The following MAP3K2 variants were observed in gnomAD, a reference collection of about 807,000 sequenced individuals.
The protein encoded by MAP3K2 is mitogen-activated protein kinase kinase kinase 2, also known as MAP/ERK kinase kinase 2.
A neutral mutation model predicts 80.3 loss-of-function variants in MAP3K2; 24 were observed. That is an observed-to-expected ratio of 0.30 (90% CI 0.22 to 0.42). The LOEUF (loss-of-function observed/expected upper bound fraction) is 0.42. Among genes scored for constraint, MAP3K2 ranks in the 10% least tolerant of loss-of-function variants. MAP3K2 has a pLI of 1.00. For synonymous variants in MAP3K2, 244 were observed against 253.7 expected, an observed-to-expected ratio of 0.96 and a Z score of 0.36; for missense variants, 608 against 750.1, an observed-to-expected ratio of 0.81 and a Z score of 2.21.
At chr2:127,374,128 A>ATC (rs1477495087) in intron 1 of MAP3K2, among the ~76,000 whole-genome samples, 1 of 152,206 alleles carries the variant, frequency 6.6e-6, no homozygotes, top group Non-Finnish European at 1.5e-5. Context: ...ACTAGCACTC[A>ATC]GAGAGCTGAG....
chr2:127,356,769 G>A (rs1006331684), intron 1 of MAP3K2, among the ~76,000 whole-genome samples: 5 of 152,184 alleles, frequency 3.3e-5, no homozygotes, highest in African/African-American at 1.2e-4. Flanking sequence ...GTGAAATTAT[G>A]AAATTACGAA....
chr2:127,370,959 T>G (rs1687053413), intron 1 of MAP3K2, among the ~76,000 whole-genome samples: 1 of 152,192 alleles, frequency 6.6e-6, no homozygotes, highest in Admixed American at 6.5e-5. Flanking sequence ...ATGCTACAGC[T>G]GGGGGACCCT....
At chr2:127,312,970 A>C (rs1202071555) in intron 15 of MAP3K2, among the ~76,000 whole-genome samples, 5 of 152,072 alleles carry the variant, frequency 3.3e-5, no homozygotes, top group Admixed American at 2.6e-4. Flanking sequence ...TCTCTTAAAA[A>C]AAAAAAAAAT....
Position 127,299,974 on chromosome 2 carries a change from C to T in MAP3K2, c.*7605G>A. The T allele has an allele frequency of 5.6e-5, 1 of 17,990 alleles. No homozygotes were observed. The highest frequency in any genetic ancestry group is 9.0e-5 in the Non-Finnish European group (1 of 11,122). 1.1% of individuals were successfully genotyped at this position (17,990 alleles called of 1,614,324 possible). The stretch of plus-strand genomic sequence containing the variant: ...AAACATCTCCACACAAACATACATC[C>T]CCTGATACACAGTTAAAAGCATACT... On this transcript the variant is annotated 3_prime_UTR_variant, in exon 17 of 17. Transcript: ENST00000682094.
At chr2:127,348,586 T>C (rs1686638312) in intron 1 of MAP3K2, among the ~76,000 whole-genome samples, 1 of 151,930 alleles carries the variant, frequency 6.6e-6, no homozygotes. Flanking sequence ...AAAGCCAGGG[T>C]ATGGGAAATG....
rs186230080 is a variant in MAP3K2 at position 127,386,398 on chromosome 2, T to C, written c.-66+1054A>G. 3.3e-5 allele frequency among the ~76,000 whole-genome samples: 5 copies of C among 152,288 alleles called. No individual in the cohort carries two copies. In the East Asian group the frequency reaches 9.6e-4, roughly 29 times the overall value. On this transcript the variant is annotated intron_variant, in intron 1 of 16. Transcript: ENST00000682094. ...TCCTACGATATTCTACGCATTAAAATTTGACATCGAACTAAAAAAGATTGC... is the reference window on the plus strand; with the variant it reads ...TCCTACGATATTCTACGCATTAAAACTTGACATCGAACTAAAAAAGATTGC...
rs916755986 is a variant in MAP3K2, at chr2:127,339,840, T to C, written c.5-790A>G. Among the ~76,000 whole-genome samples, 8 of 152,204 alleles carry C rather than the reference T, an allele frequency of 5.3e-5. No individual in the cohort carries two copies. Among genetic ancestry groups the C allele is most frequent in the South Asian group, 2.1e-4 (1 of 4,828 alleles). On this transcript the variant is annotated intron_variant, in intron 2 of 16. Transcript: ENST00000682094. This position sits in a 1 kb window ranked among gnomAD's most constrained non-coding sequence, Gnocchi z 4.2. Reference sequence around the variant, plus strand: ...TAATTTATTTTCACTAGTAAATCAATTCTACTAATGATAATCACAAATGAT... The same window carrying C: ...TAATTTATTTTCACTAGTAAATCAACTCTACTAATGATAATCACAAATGAT...
chr2:127,304,480 T>C lies in MAP3K2; in HGVS notation c.*3099A>G, dbSNP rs570860708. 25 of 152,328 alleles carry C rather than the reference T, an allele frequency of 1.6e-4. No homozygotes were observed. In the Middle Eastern group the frequency reaches 0.017, roughly 104 times the overall value. The allele number at this position is 152,328 out of a possible 1,614,324, so 9.4% of individuals were successfully genotyped here. A position where few individuals can be genotyped will look rare whatever the true frequency, so the allele number is the denominator to read the frequency against. On this transcript the variant is annotated 3_prime_UTR_variant, in exon 17 of 17. Transcript: ENST00000682094. ...ATTTCCTGAAAAGCACATATAAGAC[T>C]GCTAGTGAATCTTCTCCAGCACCAA...
intron 1 of MAP3K2, among the ~76,000 whole-genome samples, chr2:127,356,834 T>A (rs1266191820): frequency 6.6e-6 from 1 of 152,184 alleles, no homozygotes. Flanking sequence ...AATTTGTGAC[T>A]AAAACCTCAA....
At chr2:127,382,391 T>G (rs1299120489) in intron 1 of MAP3K2, among the ~76,000 whole-genome samples, 1 of 152,218 alleles carries the variant, frequency 6.6e-6, no homozygotes, top group Non-Finnish European at 1.5e-5. Context: ...CATAGTGTTT[T>G]TTAAAAAAAG....
In MAP3K2 at chr2:127,307,620, C is replaced by T. The variant is rs774242849; in HGVS notation, c.1819G>A (p.Ala607Thr). ...AACATGTGCCTTAAGAGTTCATCAG[C>T]TGAAGGTCTCAGTTTGGCCTCTACA... is the stretch of plus-strand genomic sequence containing the variant. ...IFVEAKLRPS[A>T]DELLRHMFVH... Residue 607 changes from alanine to threonine, a missense_variant, in exon 17 of 17, where the codon GCT becomes ACT. By Grantham distance (58) the Ala-to-Thr change is moderately conservative (BLOSUM62 0). Around this residue, in one of 4 missense-constraint regions of MAP3K2, gnomAD observed 42 missense variants for 53.7 expected, o/e 0.78. Transcript: ENST00000682094. This position sits in a 1 kb window ranked among gnomAD's most constrained non-coding sequence, Gnocchi z 5.4. 1.8e-4 allele frequency: 286 copies of T among 1,582,726 alleles called. 1 individual carries two copies. The Middle Eastern group carries it at 5.3e-3, about 29-fold the overall frequency.
intron 1 of MAP3K2, among the ~76,000 whole-genome samples, chr2:127,345,752 A>T (rs1365874901): frequency 6.6e-6 from 1 of 152,346 alleles, no homozygotes; most frequent in South Asian, 2.1e-4. Flanking sequence ...TGTGAAAATT[A>T]AAAAACATAA....
rs1306201436 is a variant in MAP3K2, at chr2:127,319,666, A to AG, written c.1046-1350_1046-1349insC. ...CTAAAAATACAAAAAAAAAAAAAAA[A>AG]AAAAAAAAAAAAGAAAAAGAAAAAT... On this transcript the variant is annotated intron_variant, in intron 12 of 16. Transcript: ENST00000682094. Among the ~76,000 whole-genome samples the AG allele has an allele frequency of 1.3e-4, 19 of 148,236 alleles. 1 individual carries two copies. Among genetic ancestry groups the AG allele is most frequent in the Non-Finnish European group, 2.8e-4 (19 of 66,810 alleles).
intron 2 of MAP3K2, among the ~76,000 whole-genome samples, chr2:127,342,825 G>A (rs903756471): frequency 2.0e-5 from 3 of 152,098 alleles, no homozygotes; most frequent in African/African-American, 7.2e-5. Context: ...CTCTATGAAT[G>A]ATAAAATTAA....
At chr2:127,330,120 A>G in intron 6 of MAP3K2, 112 bp from the exon 7 acceptor site, 1 of 670,110 alleles carries the variant, frequency 1.5e-6, no homozygotes, top group Non-Finnish European at 2.6e-6. Context: ...CCTTAATCAA[A>G]TCCTCTACTC....
chr2:127,360,363 T>C (rs1216624167), intron 1 of MAP3K2, among the ~76,000 whole-genome samples: 1 of 146,780 alleles, frequency 6.8e-6, no homozygotes, highest in Non-Finnish European at 1.5e-5. Flanking sequence ...AGTAGATCAC[T>C]GGTTTAAAAA....
intron 12 of MAP3K2, among the ~76,000 whole-genome samples, chr2:127,319,673 A>AAAAAAAAAAAG (rs1558975361): frequency 7.7e-5 from 11 of 142,484 alleles, no homozygotes; most frequent in African/African-American, 2.4e-4. Flanking sequence ...AAAAAAAAAA[A>AAAAAAAAAAAG]AAAAAGAAAA....
rs188064128 is a variant in MAP3K2, at chr2:127,337,247, G to C, written c.164+491C>G. ...TGCACTGAGATACAGATACCAAGTA[G>C]AAGACTAGGTTTACATCTCTGCTAA... On this transcript the variant is annotated intron_variant, in intron 4 of 16. Transcript: ENST00000682094. Among the ~76,000 whole-genome samples the C allele has an allele frequency of 2.4e-3, 358 of 152,160 alleles. 6 individuals carry two copies. The highest frequency in any genetic ancestry group is 7.7e-3 in the African/African-American group (319 of 41,516).
chr2:127,302,254 A>C lies in MAP3K2; in HGVS notation c.*5325T>G, dbSNP rs1685607640. The C allele has an allele frequency of 6.6e-6, 1 of 152,174 alleles. No individual in the cohort carries two copies. The highest frequency in any genetic ancestry group is 1.5e-5 in the Non-Finnish European group (1 of 68,038). The allele number at this position is 152,174 out of a possible 1,614,324, so 9.4% of individuals were successfully genotyped here. A position where few individuals can be genotyped will look rare whatever the true frequency, so the allele number is the denominator to read the frequency against. On this transcript the variant is annotated 3_prime_UTR_variant, in exon 17 of 17. Coordinates refer to ENST00000682094, the MANE Select transcript of MAP3K2 (RefSeq NM_001371910.2). ...AGTATGGCAATTTACAATCAATATTATTATACAATCATTTGTACTAGCTAC... is the reference window on the plus strand; with the variant it reads ...AGTATGGCAATTTACAATCAATATTCTTATACAATCATTTGTACTAGCTAC...
Sources: allele counts gnomAD v4.1 joint callset (sites outside exome capture counted in the v4.1 genomes callset), GRCh38; gene constraint gnomAD v4.1.1; regional missense constraint gnomAD v4.1.1; non-coding constraint Gnocchi (gnomAD v3.1); transcripts MANE v1.5; gene names NCBI Gene and HGNC (gene_info 2026-07-23, HGNC 2026-07-21).